The following MSI2 variants were observed in gnomAD, a reference collection of about 807,000 sequenced individuals.
The protein encoded by MSI2 is RNA-binding protein Musashi homolog 2.
Under a neutral mutation model 45.6 loss-of-function variants are expected in MSI2, and 17 were observed. That is an observed-to-expected ratio of 0.37 (90% CI 0.26 to 0.56). The LOEUF is 0.56. Ranked by LOEUF, MSI2 falls within the 20% of genes least tolerant of loss-of-function variation. The pLI, the probability that MSI2 is intolerant of heterozygous loss-of-function variation, is 0.77. For missense variants in MSI2, 293 were observed against 444.2 expected, an observed-to-expected ratio of 0.66 and a Z score of 3.06; for synonymous variants, 156 against 158.2, an observed-to-expected ratio of 0.99 and a Z score of 0.11.
At chr17:57,269,950 T>A (rs1908202345) in intron 5 of MSI2, among the ~76,000 whole-genome samples, 1 of 152,150 alleles carries the variant, frequency 6.6e-6, no homozygotes. Context: ...TGTGGTATGT[T>A]GTAGCAGCAG....
At chr17:57,697,282 A>C in the MSI2 span, among the ~76,000 whole-genome samples, 2 of 151,362 alleles carry the variant, frequency 1.3e-5, no homozygotes, top group South Asian at 4.2e-4. Flanking sequence ...CACACCCCTC[A>C]CACACTCTAC....
At chr17:57,322,613 C>T (rs1437901412) in intron 5 of MSI2, among the ~76,000 whole-genome samples, 1 of 152,162 alleles carries the variant, frequency 6.6e-6, no homozygotes, top group Non-Finnish European at 1.5e-5. Flanking sequence ...CCACGTACCA[C>T]TCACTCAAAC....
chr17:57,497,837 C>T (rs1239346689), intron 6 of MSI2, among the ~76,000 whole-genome samples: 1 of 152,172 alleles, frequency 6.6e-6, no homozygotes, highest in African/African-American at 2.4e-5. Flanking sequence ...AGCGTCAGCC[C>T]TGGTGTTCCC....
intron 10 of MSI2, among the ~76,000 whole-genome samples, chr17:57,644,214 G>GT (rs571385748): frequency 0.087 from 7,627 of 87,332 alleles, 649 homozygotes; most frequent in African/African-American, 0.24. Flanking sequence ...AGGGTAAGTT[G>GT]TTTTTTTTTT....
chr17:57,482,728 G>A (rs952921949), intron 6 of MSI2, among the ~76,000 whole-genome samples: 3 of 152,168 alleles, frequency 2.0e-5, no homozygotes, highest in Non-Finnish European at 4.4e-5. Context: ...TTCCCTGTTT[G>A]TAGACAGCAG....
intron 6 of MSI2, among the ~76,000 whole-genome samples, chr17:57,421,407 C>T (rs190041094): frequency 5.4e-4 from 82 of 152,056 alleles, no homozygotes; most frequent in Non-Finnish European, 6.8e-4. Flanking sequence ...TTGCACAGGA[C>T]GGAGTAGATC....
chr17:57,481,173 G>C (rs2085640101), intron 6 of MSI2, among the ~76,000 whole-genome samples: 1 of 152,212 alleles, frequency 6.6e-6, no homozygotes, highest in East Asian at 1.9e-4. Context: ...ATTAAAGCCT[G>C]CATTTCCCTG....
chr17:57,361,888 C>A (rs1368214204), intron 5 of MSI2, among the ~76,000 whole-genome samples: 2 of 152,188 alleles, frequency 1.3e-5, no homozygotes, highest in African/African-American at 2.4e-5. Context: ...TGTCCTGGAT[C>A]ATTTTATATA....
At chr17:57,348,261 G>A (rs1915771922) in intron 5 of MSI2, among the ~76,000 whole-genome samples, 1 of 152,178 alleles carries the variant, frequency 6.6e-6, no homozygotes, top group African/African-American at 2.4e-5. Context: ...GTCACAGGAG[G>A]CAGGCAGGGA....
At chr17:57,651,361 A>T (rs1048845668) in intron 10 of MSI2, among the ~76,000 whole-genome samples, 2 of 151,978 alleles carry the variant, frequency 1.3e-5, no homozygotes, top group East Asian at 3.9e-4. Context: ...GCCACATCTA[A>T]ATTCCCACAA....
chr17:57,445,507 G>GT (rs1295845176), intron 6 of MSI2, among the ~76,000 whole-genome samples: 3 of 150,086 alleles, frequency 2.0e-5, no homozygotes, highest in Admixed American at 1.3e-4. Context: ...TGTGTTGTTT[G>GT]TTTTTTTGGT....
At chr17:57,690,447 C>CAAA in the MSI2 span, among the ~76,000 whole-genome samples, 1 of 141,696 alleles carries the variant, frequency 7.1e-6, no homozygotes, top group African/African-American at 2.6e-5. Flanking sequence ...CCTATCTCTA[C>CAAA]AAAAAAAAAA....
chr17:57,548,535 C>T (rs1479550153), intron 7 of MSI2, among the ~76,000 whole-genome samples: 5 of 152,098 alleles, frequency 3.3e-5, no homozygotes, highest in Admixed American at 6.5e-5. Context: ...TCGCAGGCTC[C>T]GGGCCTCTAG....
Position 57,257,156 on chromosome 17 carries a change from G to T in MSI2, c.103+18G>T. The T allele has an allele frequency of 4.2e-6, 3 of 711,270 alleles. No individual in the cohort carries two copies. Among genetic ancestry groups the T allele is most frequent in the Non-Finnish European group, 7.2e-6 (3 of 418,408 alleles). 44.1% of individuals were successfully genotyped at this position (711,270 alleles called of 1,614,324 possible). On this transcript the variant is annotated intron_variant, in intron 2 of 13. Coordinates refer to ENST00000284073, the MANE Select transcript of MSI2 (RefSeq NM_138962.4). Reference sequence around the variant, plus strand: ...CTCACCAGGTAAGGGAGGGAGGGGGGGACGCCTGGGTCCCCCCCTTCTTGG... The same window carrying T: ...CTCACCAGGTAAGGGAGGGAGGGGGTGACGCCTGGGTCCCCCCCTTCTTGG...
rs542278313 is a variant in MSI2 at position 57,557,640 on chromosome 17, T to G, written c.454+27916T>G. ...AGCCCTGGGCTGGGGTGTTCCCCCT[T>G]GTGCCCATGCCAAGGCAAGGCTTTC... is the stretch of plus-strand genomic sequence containing the variant. On this transcript the variant is annotated intron_variant, in intron 7 of 13. Transcript: ENST00000284073. 8.5e-5 allele frequency among the ~76,000 whole-genome samples: 13 copies of G among 152,340 alleles called. No individual in the cohort carries two copies. In the East Asian group the frequency reaches 2.5e-3, roughly 29 times the overall value.
chr17:57,496,571 G>C (rs933446142), intron 6 of MSI2, among the ~76,000 whole-genome samples: 1 of 152,246 alleles, frequency 6.6e-6, no homozygotes, highest in Non-Finnish European at 1.5e-5. Flanking sequence ...TCAAAGCCAG[G>C]TGTCTGGCTG....
chr17:57,376,722 A>AG (rs1598187785), intron 5 of MSI2, among the ~76,000 whole-genome samples: 2 of 152,312 alleles, frequency 1.3e-5, no homozygotes, highest in Non-Finnish European at 1.5e-5. Flanking sequence ...TTTCAGAAAT[A>AG]GCGTCTTCCT....
intron 6 of MSI2, among the ~76,000 whole-genome samples, chr17:57,441,457 T>C (rs1384848457): frequency 6.6e-6 from 1 of 152,194 alleles, no homozygotes; most frequent in African/African-American, 2.4e-5. Flanking sequence ...AGATTTTTTT[T>C]CAAGAAGTAT....
At chr17:57,433,796 A>T (rs1484638139) in intron 6 of MSI2, among the ~76,000 whole-genome samples, 2 of 152,216 alleles carry the variant, frequency 1.3e-5, no homozygotes, top group Non-Finnish European at 1.5e-5. Flanking sequence ...AGCGCCGCTC[A>T]TGCGGATTGT....
Sources: gnomAD v4.1 joint callset for allele counts (sites outside exome capture counted in the v4.1 genomes callset) on GRCh38, gnomAD v4.1.1 for gene constraint, MANE v1.5 for transcripts, NCBI Gene and HGNC (gene_info 2026-07-23, HGNC 2026-07-21) for gene names.